TBX4: variants seen among roughly 807,000 people sequenced by gnomAD.
TBX4 encodes the protein T-box transcription factor TBX4.
A neutral mutation model predicts 54.6 loss-of-function variants in TBX4; 13 were observed. The observed-to-expected ratio is 0.24, with a 90% CI of 0.15 to 0.38. TBX4 has a LOEUF of 0.38. TBX4 is among the 10% of genes least tolerant of loss of function. The pLI is 1.00. For missense variants in TBX4, 631 were observed against 728.5 expected, an observed-to-expected ratio of 0.87 and a Z score of 1.54; for synonymous variants, 314 against 306.7, an observed-to-expected ratio of 1.02 and a Z score of -0.25.
chr17:61,456,452 C>A, intron 1 of TBX4, 36 bp from the exon 2 acceptor site: 2 of 1,550,288 alleles, frequency 1.3e-6, no homozygotes, highest in Non-Finnish European at 1.7e-6. Context: ...CGAGTGTGGA[C>A]CTGGGCGAGT....
chr17:61,456,993 C>G (rs1333547828), intron 2 of TBX4, among the ~76,000 whole-genome samples: 1 of 152,182 alleles, frequency 6.6e-6, no homozygotes, highest in African/African-American at 2.4e-5. Flanking sequence ...GCTCCAACAA[C>G]CCGTAGAGGG....
rs2060586548 is a variant in TBX4 at position 61,472,361 on chromosome 17, A to T, written c.549+4704A>T. ...TGTCAGTTTGACAGGTGAAATGTGGATATCAGTGTTAGCTTTAATTTGCAT... is the reference window on the plus strand; with the variant it reads ...TGTCAGTTTGACAGGTGAAATGTGGTTATCAGTGTTAGCTTTAATTTGCAT... On this transcript the variant is annotated intron_variant, in intron 5 of 8. Transcript: ENST00000644296. The surrounding 1 kb of genome is among the most constrained non-coding windows in gnomAD (Gnocchi z 4.5). 6.6e-6 allele frequency among the ~76,000 whole-genome samples: 1 copy of T among 152,194 alleles called. No homozygotes were observed. Among genetic ancestry groups the T allele is most frequent in the Non-Finnish European group, 1.5e-5 (1 of 68,036 alleles).
chr17:61,480,404 C>CT lies in TBX4; in HGVS notation c.1021+85_1021+86insT, dbSNP rs386386377. The CT allele has an allele frequency of 2.9e-5, 30 of 1,018,286 alleles. No individual in the cohort carries two copies. The South Asian group carries it at 3.7e-4, about 12-fold the overall frequency. The allele number at this position is 1,018,286 out of a possible 1,614,324, so 63.1% of individuals were successfully genotyped here. On this transcript the variant is annotated intron_variant, in intron 8 of 8. Coordinates refer to ENST00000644296, the MANE Select transcript of TBX4 (RefSeq NM_001321120.2). This position sits in a 1 kb window ranked among gnomAD's most constrained non-coding sequence, Gnocchi z 6.2. ...AAACCACTCTGCAGCGCCCCCCCCC[C>CT]CAACACACACACACTCATCTCGTGC... is the stretch of plus-strand genomic sequence containing the variant.
rs969557337 is a variant in TBX4 at position 61,462,578 on chromosome 17, G to C, written c.282-3241G>C. Among the ~76,000 whole-genome samples, 3 of 151,944 alleles carry C rather than the reference G, an allele frequency of 2.0e-5. No individual in the cohort carries two copies. The highest frequency in any genetic ancestry group is 6.5e-5 in the Admixed American group (1 of 15,288). On this transcript the variant is annotated intron_variant, in intron 3 of 8. Coordinates refer to ENST00000644296, the MANE Select transcript of TBX4 (RefSeq NM_001321120.2). The surrounding 1 kb of genome is among the most constrained non-coding windows in gnomAD (Gnocchi z 4.5). Reference sequence around the variant, plus strand: ...AGGGGAGAGGGGGAGCGCGCAAGGAGGGGGCTGGCTGGGGCGGACCCAGAG... The same window carrying C: ...AGGGGAGAGGGGGAGCGCGCAAGGACGGGGCTGGCTGGGGCGGACCCAGAG...
rs777047846 is a variant in TBX4, at chr17:61,457,511, C to G, written c.187-26C>G. ...CGTGGAGCCCTGGGCCTGGCAGACACAAGTTTCTCTCCCTCCCATCCCCAG... is the reference window on the plus strand; with the variant it reads ...CGTGGAGCCCTGGGCCTGGCAGACAGAAGTTTCTCTCCCTCCCATCCCCAG... On this transcript the variant is annotated intron_variant, in intron 2 of 8. Coordinates refer to ENST00000644296, the MANE Select transcript of TBX4 (RefSeq NM_001321120.2). This position sits in a 1 kb window ranked among gnomAD's most constrained non-coding sequence, Gnocchi z 8.2. 4.4e-6 allele frequency: 7 copies of G among 1,608,304 alleles called. No homozygotes were observed. The East Asian group carries it at 1.6e-4, about 36-fold the overall frequency.
Position 61,478,852 on chromosome 17 carries a change from G to A in TBX4, c.702+73G>A, listed in dbSNP as rs371220002. ...GCGTTCTCTTCCACCAGGCAGAGAG[G>A]CAGAGTGTGAAGCCAGAGTCCCAGC... On this transcript the variant is annotated intron_variant, in intron 6 of 8. Transcript: ENST00000644296. This position sits in a 1 kb window ranked among gnomAD's most constrained non-coding sequence, Gnocchi z 7.4. 2 of 1,609,794 alleles carry A rather than the reference G, an allele frequency of 1.2e-6. No homozygotes were observed. Among genetic ancestry groups the A allele is most frequent in the African/African-American group, 2.7e-5 (2 of 74,832 alleles).
At position 61,483,155 on chromosome 17, in the gene TBX4, A is replaced by G. The variant is rs1490093066; in HGVS notation, c.1280A>G (p.Tyr427Cys). The change falls in exon 9 of 9, where the codon TAC (tyrosine) becomes TGC (cysteine). Residue 427 changes from tyrosine to cysteine, a missense_variant. Around this residue, in one of 3 missense-constraint regions of TBX4, gnomAD observed 354 missense variants for 368.9 expected, o/e 0.96. Coordinates refer to ENST00000644296, the MANE Select transcript of TBX4 (RefSeq NM_001321120.2). The surrounding 1 kb of genome is among the most constrained non-coding windows in gnomAD (Gnocchi z 6.6). ...SCNMWTSVSPYTSYSVQTMET... is the reference protein window; with the variant it reads ...SCNMWTSVSPCTSYSVQTMET... Reference sequence around the variant, plus strand: ...AACATGTGGACTTCAGTGTCGCCGTACACCAGCTATAGCGTGCAGACGATG... The same window carrying G: ...AACATGTGGACTTCAGTGTCGCCGTGCACCAGCTATAGCGTGCAGACGATG... 6.2e-7 allele frequency: 1 copy of G among 1,614,154 alleles called. No individual in the cohort carries two copies. Among genetic ancestry groups the G allele is most frequent in the East Asian group, 2.2e-5 (1 of 44,860 alleles).
chr17:61,463,040 C>G (rs964780046), intron 3 of TBX4: 3 of 152,382 alleles, frequency 2.0e-5, no homozygotes, highest in Admixed American at 6.5e-5. Flanking sequence ...ACAGAGGGGG[C>G]CTCACTTTCA....
At position 61,480,405 on chromosome 17, in the gene TBX4, C is replaced by CCAA. The variant is rs1555883625; in HGVS notation, c.1021+86_1021+87insCAA. ...AACCACTCTGCAGCGCCCCCCCCCC[C>CCAA]AACACACACACACTCATCTCGTGCT... On this transcript the variant is annotated intron_variant, in intron 8 of 8. Transcript: ENST00000644296. The surrounding 1 kb of genome is among the most constrained non-coding windows in gnomAD (Gnocchi z 6.2). 8 of 993,196 alleles carry CCAA rather than the reference C, an allele frequency of 8.1e-6. No homozygotes were observed. The Admixed American group carries it at 8.1e-5, about 10-fold the overall frequency. 61.5% of individuals were successfully genotyped at this position (993,196 alleles called of 1,614,324 possible).
At position 61,483,309 on chromosome 17, in the gene TBX4, C is replaced by A; in HGVS notation, c.1434C>A (p.Leu478=). Residue 478 remains leucine (L), a synonymous_variant, in exon 9 of 9, where the codon CTC becomes CTA. Transcript: ENST00000644296. The surrounding 1 kb of genome is among the most constrained non-coding windows in gnomAD (Gnocchi z 6.6). Reference sequence around the variant, plus strand: ...CCCACTTTAGTGTCTACAATCAGCTCTCCCAGTCTCAGGTCCGAGAGCGGG... The same window carrying A: ...CCCACTTTAGTGTCTACAATCAGCTATCCCAGTCTCAGGTCCGAGAGCGGG... The part of the protein sequence containing the change: ...GNAHFSVYNQ[L]SQSQVRERGP... 1 of 1,612,038 alleles carries A rather than the reference C, an allele frequency of 6.2e-7. No individual in the cohort carries two copies. The highest frequency in any genetic ancestry group is 8.5e-7 in the Non-Finnish European group (1 of 1,178,198).
rs2143797405 is a variant in TBX4 at position 61,457,897 on chromosome 17, A to G, written c.281+266A>G. Among the ~76,000 whole-genome samples the G allele has an allele frequency of 6.6e-6, 1 of 152,364 alleles. No individual in the cohort carries two copies. The highest frequency in any genetic ancestry group is 2.1e-4 in the South Asian group (1 of 4,830). Reference sequence around the variant, plus strand: ...AATCCAAACAGGGATCGCGACGCTCAAAAGTCCCAGCTCCAGCACTTTTGG... The same window carrying G: ...AATCCAAACAGGGATCGCGACGCTCGAAAGTCCCAGCTCCAGCACTTTTGG... On this transcript the variant is annotated intron_variant, in intron 3 of 8. Transcript: ENST00000644296. The surrounding 1 kb of genome is among the most constrained non-coding windows in gnomAD (Gnocchi z 8.2).
rs2060649889 is a variant in TBX4 at position 61,479,749 on chromosome 17, TGA to T, written c.703-129_703-128del. The T allele has an allele frequency of 2.2e-6, 2 of 914,400 alleles. No individual in the cohort carries two copies. The highest frequency in any genetic ancestry group is 4.9e-5 in the East Asian group (2 of 40,494). The allele number at this position is 914,400 out of a possible 1,614,324, so 56.6% of individuals were successfully genotyped here. On this transcript the variant is annotated intron_variant, in intron 6 of 8. Coordinates refer to ENST00000644296, the MANE Select transcript of TBX4 (RefSeq NM_001321120.2). This position sits in a 1 kb window ranked among gnomAD's most constrained non-coding sequence, Gnocchi z 6.1. ...CCACCCTCCTCCCCAAGGAGGGTAGTGAGAAGCGGTGAGGCTGGAGAGCGACC... is the reference window on the plus strand; with the variant it reads ...CCACCCTCCTCCCCAAGGAGGGTAGTGAAGCGGTGAGGCTGGAGAGCGACC...
chr17:61,455,715 A>G (rs190211069), intron 1 of TBX4, among the ~76,000 whole-genome samples: 7 of 152,278 alleles, frequency 4.6e-5, no homozygotes, highest in African/African-American at 1.7e-4. Context: ...GTGAGCCTGT[A>G]GGTTCGAACT....
chr17:61,482,208 A>T (rs2060668037), intron 8 of TBX4, among the ~76,000 whole-genome samples: 1 of 152,186 alleles, frequency 6.6e-6, no homozygotes, highest in African/African-American at 2.4e-5. Context: ...CACATACATG[A>T]TTTGTGGCAT....
In TBX4 at chr17:61,457,896, C is replaced by T. The variant is rs1419216534; in HGVS notation, c.281+265C>T. Among the ~76,000 whole-genome samples the T allele has an allele frequency of 6.6e-6, 1 of 152,222 alleles. No individual in the cohort carries two copies. Among genetic ancestry groups the T allele is most frequent in the African/African-American group, 2.4e-5 (1 of 41,460 alleles). Reference sequence around the variant, plus strand: ...GAATCCAAACAGGGATCGCGACGCTCAAAAGTCCCAGCTCCAGCACTTTTG... The same window carrying T: ...GAATCCAAACAGGGATCGCGACGCTTAAAAGTCCCAGCTCCAGCACTTTTG... On this transcript the variant is annotated intron_variant, in intron 3 of 8. Coordinates refer to ENST00000644296, the MANE Select transcript of TBX4 (RefSeq NM_001321120.2). This position sits in a 1 kb window ranked among gnomAD's most constrained non-coding sequence, Gnocchi z 8.2.
Position 61,483,170 on chromosome 17 carries a change from T to G in TBX4, c.1295T>G (p.Val432Gly). 1.9e-6 allele frequency: 3 copies of G among 1,614,132 alleles called. No individual in the cohort carries two copies. The South Asian group carries it at 3.3e-5, about 18-fold the overall frequency. Residue 432 changes from valine to glycine, a missense_variant, in exon 9 of 9, where the codon GTG becomes GGG. Physicochemically the swap from Val to Gly is moderately radical, Grantham distance 109. Coordinates refer to ENST00000644296, the MANE Select transcript of TBX4 (RefSeq NM_001321120.2). The surrounding 1 kb of genome is among the most constrained non-coding windows in gnomAD (Gnocchi z 6.6). The part of the protein sequence containing the change: ...TSVSPYTSYS[V>G]QTMETVPYQP... ...GTGTCGCCGTACACCAGCTATAGCG[T>G]GCAGACGATGGAGACTGTGCCGTAC... is the stretch of plus-strand genomic sequence containing the variant.
At chr17:61,467,695 TG>T (rs764753004) in intron 5 of TBX4, 38 bp downstream of exon 5, 1 of 1,613,618 alleles carries the variant, frequency 6.2e-7, no homozygotes, top group Admixed American at 1.7e-5. Flanking sequence ...GAGGCAAGTC[TG>T]GGGCAGTTTT....
Position 61,479,447 on chromosome 17 carries a change from G to T in TBX4, c.703-434G>T, listed in dbSNP as rs1297158717. ...ACAGAGTCGGAACTGCATCTAGAAC[G>T]GTCACTCAGAGCCTGATGTAGTTGC... On this transcript the variant is annotated intron_variant, in intron 6 of 8. Transcript: ENST00000644296. The surrounding 1 kb of genome is among the most constrained non-coding windows in gnomAD (Gnocchi z 6.1). Among the ~76,000 whole-genome samples the T allele has an allele frequency of 6.6e-6, 1 of 152,182 alleles. No individual in the cohort carries two copies.
Position 61,465,770 on chromosome 17 carries a change from C to G in TBX4, c.282-49C>G. 1 of 1,612,128 alleles carries G rather than the reference C, an allele frequency of 6.2e-7. No homozygotes were observed. The highest frequency in any genetic ancestry group is 8.5e-7 in the Non-Finnish European group (1 of 1,178,860). On this transcript the variant is annotated intron_variant, in intron 3 of 8. Coordinates refer to ENST00000644296, the MANE Select transcript of TBX4 (RefSeq NM_001321120.2). This position sits in a 1 kb window ranked among gnomAD's most constrained non-coding sequence, Gnocchi z 4.9. Reference sequence around the variant, plus strand: ...CCCCCTTGCTCACTCTGTTCCATCTCTCCTGGTGCTCTGTCCACACGCTCC... The same window carrying G: ...CCCCCTTGCTCACTCTGTTCCATCTGTCCTGGTGCTCTGTCCACACGCTCC...
Sources: allele counts gnomAD v4.1 joint callset (sites outside exome capture counted in the v4.1 genomes callset), GRCh38; gene constraint gnomAD v4.1.1; regional missense constraint gnomAD v4.1.1; non-coding constraint Gnocchi (gnomAD v3.1); transcripts MANE v1.5; gene names NCBI Gene and HGNC (gene_info 2026-07-23, HGNC 2026-07-21).